Variants in NFU1 observed in about 807,000 individuals in gnomAD.
The protein encoded by NFU1 is NFU1 iron-sulfur cluster scaffold homolog, mitochondrial.
In NFU1, 30 loss-of-function variants were observed where a neutral mutation model predicts 32.2. That is an observed-to-expected ratio of 0.93 (90% CI 0.70 to 1.26). NFU1 has a LOEUF of 1.26. Among genes scored for constraint, NFU1 ranks in the 50% most tolerant of loss-of-function variants. The pLI is 0.00. For synonymous variants in NFU1, 112 were observed against 104.6 expected (o/e 1.07, Z -0.43); for missense variants, 306 against 306.6 (o/e 1.00, Z 0.02).
At chr2:69,401,373 T>C (rs1672517953) in intron 6 of NFU1, among the ~76,000 whole-genome samples, 1 of 152,240 alleles carries the variant, frequency 6.6e-6, no homozygotes, top group Non-Finnish European at 1.5e-5. Context: ...TCACGTAGAA[T>C]TACTCTTTTG....
rs1293072782 is a variant in NFU1 at position 69,423,195 on chromosome 2, C to CTG, written c.302+385_302+386dup. ...GTGTGTGTGTGTGTGGTGAGATGGG[C>CTG]TGTGTGTGTGTGTGGGGGGGGGCGG... On this transcript the variant is annotated intron_variant, in intron 3 of 7. Transcript: ENST00000410022. 7.3e-4 allele frequency among the ~76,000 whole-genome samples: 37 copies of CTG among 50,434 alleles called. 3 individuals are homozygous for CTG. The highest frequency in any genetic ancestry group is 3.2e-3 in the African/African-American group (36 of 11,406). The allele number at this position is 50,434 out of a possible 152,430, so 33.1% of individuals were successfully genotyped here.
In NFU1 at chr2:69,396,944, C is replaced by T. The variant is rs563395849; in HGVS notation, c.721-654G>A. ...AAAATTAGCCGGTCGTGGTGGTGGG[C>T]GCCTGTAGTCCCAGGTACCCGGGAG... On this transcript the variant is annotated intron_variant, in intron 7 of 7. Coordinates refer to ENST00000410022, the MANE Select transcript of NFU1 (RefSeq NM_001002755.4). Among the ~76,000 whole-genome samples, 16 of 151,814 alleles carry T rather than the reference C, an allele frequency of 1.1e-4. No homozygotes were observed. The East Asian group carries it at 1.9e-3, about 18-fold the overall frequency.
intron 3 of NFU1, among the ~76,000 whole-genome samples, chr2:69,423,312 GTCTC>G (rs568112087): frequency 1.9e-4 from 29 of 148,918 alleles, no homozygotes; most frequent in Non-Finnish European, 4.0e-4. Context: ...TAGAGATGGA[GTCTC>G]TCTATGTTGC....
At chr2:69,401,875 T>C (rs1350012140) in intron 6 of NFU1, among the ~76,000 whole-genome samples, 1 of 150,150 alleles carries the variant, frequency 6.7e-6, no homozygotes, top group African/African-American at 2.5e-5. Context: ...TCATGTTTAG[T>C]GGCTACTTGA....
At chr2:69,408,861 C>CTTTTTT (rs1173785443) in intron 5 of NFU1, among the ~76,000 whole-genome samples, 5 of 67,756 alleles carry the variant, frequency 7.4e-5, no homozygotes, top group Non-Finnish European at 1.4e-4. Context: ...CAGGCTTGTG[C>CTTTTTT]TTTTTTTTTT....
At chr2:69,419,438 T>A in intron 4 of NFU1, 100 bp downstream of exon 4, 2 of 685,452 alleles carry the variant, frequency 2.9e-6, no homozygotes. Flanking sequence ...AATATAAAAA[T>A]TAAAGAACAG....
chr2:69,431,413 C>T (rs933862731), intron 2 of NFU1, among the ~76,000 whole-genome samples: 12 of 152,138 alleles, frequency 7.9e-5, no homozygotes, highest in Admixed American at 2.6e-4. Flanking sequence ...TAAAGGGATT[C>T]TCCCACCTCA....
intron 4 of NFU1, among the ~76,000 whole-genome samples, chr2:69,418,498 G>T (rs1021432667): frequency 1.3e-5 from 2 of 151,596 alleles, no homozygotes; most frequent in Non-Finnish European, 2.9e-5. Flanking sequence ...ATGCAGTCTC[G>T]CTCTGTCGCC....
At chr2:69,407,619 G>T (rs1299898292) in intron 5 of NFU1, among the ~76,000 whole-genome samples, 1 of 146,630 alleles carries the variant, frequency 6.8e-6, no homozygotes, top group Non-Finnish European at 1.5e-5. Flanking sequence ...AGGTTGAAGT[G>T]AGCTAAGATC....
Position 69,399,322 on chromosome 2 carries a change from T to C in NFU1, c.720+1042A>G, listed in dbSNP as rs185193872. ...TCTCTCTCCATAAGGCCATGCTTTT[T>C]GGTTGAGAATCACTGCAGTGAGACT... On this transcript the variant is annotated intron_variant, in intron 7 of 7. Coordinates refer to ENST00000410022, the MANE Select transcript of NFU1 (RefSeq NM_001002755.4). The C allele has an allele frequency of 3.9e-3, 1,763 of 453,198 alleles. 24 individuals carry two copies. The highest frequency in any genetic ancestry group is 0.012 in the Admixed American group (518 of 42,014). 28.1% of individuals were successfully genotyped at this position (453,198 alleles called of 1,614,324 possible). A position where few individuals can be genotyped will look rare whatever the true frequency, so the allele number is the denominator to read the frequency against.
At chr2:69,438,412 C>G (rs1000312901), upstream of NFU1, among the ~76,000 whole-genome samples, 5 of 152,014 alleles carry the variant, frequency 3.3e-5, no homozygotes, top group African/African-American at 1.2e-4. Context: ...AGCCACGGTG[C>G]CTGGCTTTTA....
intron 7 of NFU1, 21 bp downstream of exon 7, chr2:69,400,343 T>A: frequency 4.4e-6 from 7 of 1,604,102 alleles, no homozygotes; most frequent in Non-Finnish European, 5.1e-6. Context: ...AAATCTAGAC[T>A]GTCATATAAT....
At chr2:69,413,251 C>A (rs530070319) in intron 5 of NFU1, among the ~76,000 whole-genome samples, 1 of 149,172 alleles carries the variant, frequency 6.7e-6, no homozygotes, top group African/African-American at 2.5e-5. Flanking sequence ...CGCCATTGCA[C>A]TCCAGCCTGG....
chr2:69,437,188 G>A, intron 1 of NFU1, 173 bp downstream of exon 1: 1 of 1,392,540 alleles, frequency 7.2e-7, no homozygotes, highest in East Asian at 2.5e-5. Context: ...GAAGCGCCGA[G>A]CTCCCGCACA....
intron 7 of NFU1, among the ~76,000 whole-genome samples, chr2:69,398,401 G>A (rs929030476): frequency 4.1e-4 from 63 of 152,146 alleles, no homozygotes; most frequent in African/African-American, 1.5e-3. Context: ...ATGGTGTGGA[G>A]GCTAAAGCAA....
At chr2:69,412,692 T>A (rs1672925871) in intron 5 of NFU1, among the ~76,000 whole-genome samples, 3 of 151,958 alleles carry the variant, frequency 2.0e-5, no homozygotes, top group Admixed American at 1.3e-4. Flanking sequence ...GCCAAAAAAA[T>A]TTTAAAAATA....
chr2:69,412,549 G>A (rs1010295143), intron 5 of NFU1, among the ~76,000 whole-genome samples: 3 of 151,160 alleles, frequency 2.0e-5, no homozygotes, highest in African/African-American at 7.3e-5. Flanking sequence ...ACCACACCCA[G>A]CTAATTTTTG....
chr2:69,408,954 C>T (rs1437961573), intron 5 of NFU1, among the ~76,000 whole-genome samples: 2 of 145,718 alleles, frequency 1.4e-5, no homozygotes, highest in African/African-American at 5.1e-5. Context: ...ATTCTCCTGC[C>T]TCAGCCTCCT....
At chr2:69,425,878 TATTA>T (rs1357280358) in intron 2 of NFU1, among the ~76,000 whole-genome samples, 2 of 152,170 alleles carry the variant, frequency 1.3e-5, no homozygotes, top group Admixed American at 6.5e-5. Context: ...GGCTTAGAGA[TATTA>T]ATTAAGTTGC....
Sources: gnomAD v4.1 joint callset for allele counts (sites outside exome capture counted in the v4.1 genomes callset) on GRCh38, gnomAD v4.1.1 for gene constraint, MANE v1.5 for transcripts, NCBI Gene and HGNC (gene_info 2026-07-23, HGNC 2026-07-21) for gene names.